The following CCSER2 variants were observed in gnomAD, a reference collection of about 807,000 sequenced individuals.
The protein encoded by CCSER2 is serine-rich coiled-coil domain-containing protein 2.
In CCSER2, 46 loss-of-function variants were observed where a neutral mutation model predicts 92.3. The observed-to-expected ratio is 0.50, with a 90% CI of 0.39 to 0.64. CCSER2 has a LOEUF of 0.64. Ranked by LOEUF, CCSER2 falls within the 30% of genes least tolerant of loss-of-function variation. The pLI is 0.00. For missense variants in CCSER2, 1,244 were observed against 1,238.9 expected, an observed-to-expected ratio of 1.00 and a Z score of -0.06; for synonymous variants, 433 against 431.4, an observed-to-expected ratio of 1.00 and a Z score of -0.04.
chr10:84,353,330 G>T (rs74147544), intron 1 of CCSER2, among the ~76,000 whole-genome samples: 1 of 152,034 alleles, frequency 6.6e-6, no homozygotes, highest in Non-Finnish European at 1.5e-5. Context: ...GCCCGAGCCA[G>T]CCCCAGGACA....
chr10:84,491,128 T>G (rs1848136366), intron 9 of CCSER2, among the ~76,000 whole-genome samples: 1 of 152,216 alleles, frequency 6.6e-6, no homozygotes, highest in Non-Finnish European at 1.5e-5. Context: ...TACCCAGCCG[T>G]GTGAGTTTTC....
chr10:84,464,376 TAATTTCTTTTTTCATGTTTA>T (rs1846270943), intron 7 of CCSER2, among the ~76,000 whole-genome samples: 2 of 152,202 alleles, frequency 1.3e-5, no homozygotes, highest in Admixed American at 1.3e-4. Flanking sequence ...AAAATGAGAT[TAATTTCTTTTTTCATGTTTA>T]AAAATACAGA....
At chr10:84,361,630 T>G (rs370322527) in intron 1 of CCSER2, among the ~76,000 whole-genome samples, 13 of 152,268 alleles carry the variant, frequency 8.5e-5, no homozygotes, top group African/African-American at 2.9e-4. Flanking sequence ...ATGTAGAAAC[T>G]ACCACTAACA....
chr10:84,334,770 A>G (rs1022245194), intron 1 of CCSER2, among the ~76,000 whole-genome samples: 1 of 152,136 alleles, frequency 6.6e-6, no homozygotes, highest in Non-Finnish European at 1.5e-5. Context: ...AACTTACTTC[A>G]TATGTCTGTT....
chr10:84,405,911 A>G (rs2133337398), intron 3 of CCSER2, among the ~76,000 whole-genome samples: 1 of 152,288 alleles, frequency 6.6e-6, no homozygotes, highest in Admixed American at 6.5e-5. Context: ...GTAAACATAC[A>G]CTCACTGTAT....
At chr10:84,339,967 G>A (rs551174159) in intron 1 of CCSER2, among the ~76,000 whole-genome samples, 1 of 151,744 alleles carries the variant, frequency 6.6e-6, no homozygotes, top group Non-Finnish European at 1.5e-5. Flanking sequence ...TCAGCTTCCC[G>A]AGTAGCTGGG....
At chr10:84,441,333 A>G (rs1449154669) in intron 6 of CCSER2, among the ~76,000 whole-genome samples, 2 of 152,142 alleles carry the variant, frequency 1.3e-5, no homozygotes, top group Non-Finnish European at 2.9e-5. Context: ...TCAATTTCCA[A>G]GAACTTTTGT....
chr10:84,513,952 G>A lies in CCSER2; in HGVS notation c.2829G>A (p.Arg943=), dbSNP rs539175830. 6.5e-7 allele frequency: 1 copy of A among 1,536,616 alleles called. No individual in the cohort carries two copies. The highest frequency in any genetic ancestry group is 8.7e-7 in the Non-Finnish European group (1 of 1,147,016). The change falls in exon 10 of 10, where the codon AGG becomes AGA. Residue 943 remains arginine (R), a synonymous_variant. Coordinates refer to ENST00000372088, the MANE Select transcript of CCSER2 (RefSeq NM_001284240.2). ...CAGTTTCTGAATCATCTCCAAGTAGGACTCCCACTTGTAAAAAGTCACCAA... is the reference window on the plus strand; with the variant it reads ...CAGTTTCTGAATCATCTCCAAGTAGAACTCCCACTTGTAAAAAGTCACCAA... The part of the protein sequence containing the change: ...PPPVSESSPS[R]TPTCKKSPII...
At chr10:84,389,952 C>G (rs1362318728) in intron 3 of CCSER2, among the ~76,000 whole-genome samples, 1 of 152,004 alleles carries the variant, frequency 6.6e-6, no homozygotes, top group African/African-American at 2.4e-5. Context: ...TCCTAGAGCC[C>G]TTGTTCTTTT....
At chr10:84,331,291 A>C (rs184989402) in intron 1 of CCSER2, among the ~76,000 whole-genome samples, 83 of 152,242 alleles carry the variant, frequency 5.5e-4, no homozygotes, top group African/African-American at 2.0e-3. Context: ...ATCTGCTTGC[A>C]CTTTCTCCCT....
intron 3 of CCSER2, among the ~76,000 whole-genome samples, chr10:84,381,005 G>C (rs529655476): frequency 2.0e-3 from 299 of 152,224 alleles, no homozygotes; most frequent in Non-Finnish European, 3.5e-3. Context: ...CAGCCTCTCT[G>C]TGTTCCTTTT....
rs530825448 is a variant in CCSER2 at position 84,385,982 on chromosome 10, C to T, written c.1614+12167C>T. Among the ~76,000 whole-genome samples, 3 of 151,986 alleles carry T rather than the reference C, an allele frequency of 2.0e-5. 1 individual carries two copies. In the South Asian group the frequency reaches 6.3e-4, roughly 32 times the overall value. ...AAGCAGCCAACAAACATAAAAAAAA[C>T]TCAACATCAGTAATCATTAAAGAGA... On this transcript the variant is annotated intron_variant, in intron 3 of 9. Coordinates refer to ENST00000372088, the MANE Select transcript of CCSER2 (RefSeq NM_001284240.2).
intron 3 of CCSER2, among the ~76,000 whole-genome samples, chr10:84,386,732 A>G (rs896811130): frequency 6.6e-6 from 1 of 152,244 alleles, no homozygotes; most frequent in Non-Finnish European, 1.5e-5. Context: ...CTCTTTCTCC[A>G]GAAAACAAAA....
intron 1 of CCSER2, among the ~76,000 whole-genome samples, chr10:84,333,304 C>T (rs1330249423): frequency 6.6e-6 from 1 of 152,126 alleles, no homozygotes; most frequent in Non-Finnish European, 1.5e-5. Context: ...TAATAGTTAA[C>T]ATTGAGTGCT....
chr10:84,407,629 G>T (rs528682866), intron 3 of CCSER2, among the ~76,000 whole-genome samples: 16 of 152,316 alleles, frequency 1.1e-4, no homozygotes, highest in African/African-American at 3.6e-4. Context: ...AACAAAACTG[G>T]TTTTTCTGTC....
intron 3 of CCSER2, among the ~76,000 whole-genome samples, chr10:84,400,431 G>T (rs890604183): frequency 6.6e-6 from 1 of 152,024 alleles, no homozygotes; most frequent in Admixed American, 6.6e-5. Context: ...TTGGCCTCCC[G>T]AAGTGCTAGA....
chr10:84,383,285 C>A (rs1841012168), intron 3 of CCSER2, among the ~76,000 whole-genome samples: 1 of 151,142 alleles, frequency 6.6e-6, no homozygotes, highest in African/African-American at 2.4e-5. Context: ...AGGAAGAGAC[C>A]AGAGATGCTT....
intron 5 of CCSER2, among the ~76,000 whole-genome samples, chr10:84,427,988 A>G (rs1474663893): frequency 6.6e-6 from 1 of 152,200 alleles, no homozygotes; most frequent in Non-Finnish European, 1.5e-5. Flanking sequence ...GACTTAGGGC[A>G]TTTGGCTGTA....
rs1849525476 is a variant in CCSER2, at chr10:84,514,401, G to A, written c.*134G>A. The A allele has an allele frequency of 4.5e-6, 3 of 662,586 alleles. No individual in the cohort carries two copies. In the South Asian group the frequency reaches 6.2e-5, roughly 14 times the overall value. 41.0% of individuals were successfully genotyped at this position (662,586 alleles called of 1,614,324 possible). A position where few individuals can be genotyped will look rare whatever the true frequency, so the allele number is the denominator to read the frequency against. Reference sequence around the variant, plus strand: ...GCAAATCTTAAATTAAAATGTGGAAGCTTCTACTAGTTTGGCTCCTTCATT... The same window carrying A: ...GCAAATCTTAAATTAAAATGTGGAAACTTCTACTAGTTTGGCTCCTTCATT... On this transcript the variant is annotated 3_prime_UTR_variant, in exon 10 of 10. Coordinates refer to ENST00000372088, the MANE Select transcript of CCSER2 (RefSeq NM_001284240.2).
Sources: gnomAD v4.1 joint callset for allele counts (sites outside exome capture counted in the v4.1 genomes callset) on GRCh38, gnomAD v4.1.1 for gene constraint, MANE v1.5 for transcripts, NCBI Gene and HGNC (gene_info 2026-07-23, HGNC 2026-07-21) for gene names.